FTCD: variants seen among roughly 807,000 people sequenced by gnomAD.
FTCD encodes the protein formimidoyltransferase cyclodeaminase.
In FTCD, 76 loss-of-function variants were observed where a neutral mutation model predicts 62.9. The observed-to-expected ratio is 1.21, with a 90% confidence interval of 1.00 to 1.46. FTCD has a LOEUF of 1.46. Ranked by LOEUF, FTCD falls within the 40% of genes most tolerant of loss-of-function variation. The pLI is 0.00. For missense variants in FTCD, 845 were observed against 751.3 expected (o/e 1.12, Z -1.46); for synonymous variants, 397 against 336.9 (o/e 1.18, Z -1.95).
rs140950558 is a variant in FTCD, at chr21:46,137,144, G to A, written c.1540-71C>T. ...CCCAGCTTGCTGGGCAGCAACCTCC[G>A]ACCCCCACTGCCCACAGCCAGTCGG... is the stretch of plus-strand genomic sequence containing the variant. On this transcript the variant is annotated intron_variant, in intron 13 of 13. Transcript: ENST00000397746. 13,402 of 1,598,504 alleles carry A rather than the reference G, an allele frequency of 8.4e-3. 71 individuals are homozygous for A. The highest frequency in any genetic ancestry group is 0.01 in the Non-Finnish European group (11,735 of 1,166,204).
At position 46,150,472 on chromosome 21, in the gene FTCD, G is replaced by A. The variant is rs1194364611; in HGVS notation, c.690C>T (p.Asn230=). The change falls in exon 6 of 14, where the codon AAC becomes AAT. Residue 230 remains asparagine, a synonymous_variant. Transcript: ENST00000397746. ...GAAGATTGGTGGACACCTGAGCCAGGTTCTTCTCATCCAGGTACCAGCCAA... is the reference window on the plus strand; with the variant it reads ...GAAGATTGGTGGACACCTGAGCCAGATTCTTCTCATCCAGGTACCAGCCAA... ...QGIGWYLDEK[N]LAQVSTNLLD... 4 of 1,613,000 alleles carry A rather than the reference G, an allele frequency of 2.5e-6. No individual in the cohort carries two copies. The highest frequency in any genetic ancestry group is 3.4e-6 in the Non-Finnish European group (4 of 1,179,754).
intron 1 of FTCD, 47 bp downstream of exon 1, chr21:46,155,423 A>G: frequency 6.6e-7 from 1 of 1,508,718 alleles, no homozygotes; most frequent in African/African-American, 1.4e-5. Context: ...TAGCCACTCA[A>G]GCTGCCCCAT....
chr21:46,151,817 G>A (rs1023628807), intron 4 of FTCD, 75 bp downstream of exon 4: 49 of 1,578,026 alleles, frequency 3.1e-5, no homozygotes, highest in African/African-American at 4.0e-5. Context: ...GGAGGGGCCC[G>A]GCCCAGCCAC....
downstream of FTCD, chr21:46,136,547 G>A: frequency 1.2e-6 from 2 of 1,601,806 alleles, no homozygotes; most frequent in African/African-American, 2.7e-5. Flanking sequence ...GGGCCTCACA[G>A]CCCAGGGACC....
At chr21:46,148,222 G>A (rs1318608115) in intron 7 of FTCD, among the ~76,000 whole-genome samples, 5 of 152,240 alleles carry the variant, frequency 3.3e-5, no homozygotes, top group Non-Finnish European at 7.3e-5. Context: ...GAGGAAGGGG[G>A]TCGCCTTGGC....
intron 7 of FTCD, among the ~76,000 whole-genome samples, chr21:46,148,081 G>A (rs1194552208): frequency 6.6e-6 from 1 of 152,152 alleles, no homozygotes; most frequent in Non-Finnish European, 1.5e-5. Flanking sequence ...TGCTGTCACT[G>A]GCTCCTAAAA....
In FTCD at chr21:46,154,296, G is replaced by A; in HGVS notation, c.91C>T (p.Pro31Ser). Residue 31 changes from proline (P) to serine (S), a missense_variant, in exon 2 of 14, where the codon CCG (proline) becomes TCG (serine). Coordinates refer to ENST00000397746, the MANE Select transcript of FTCD (RefSeq NM_206965.2). Reference protein sequence around the residue: ...DAISGAITQTPGCVLLDVDAG... With the variant: ...DAISGAITQTSGCVLLDVDAG... ...TCCACATCCAGCAGCACGCAGCCCG[G>A]GGTCTGTGTGATGGCTCCAGAGATG... 1 of 1,611,696 alleles carries A rather than the reference G, an allele frequency of 6.2e-7. No homozygotes were observed. The highest frequency in any genetic ancestry group is 8.5e-7 in the Non-Finnish European group (1 of 1,179,704).
In FTCD at chr21:46,155,396, C is replaced by T. The variant is rs894079181; in HGVS notation, c.54+74G>A. On this transcript the variant is annotated intron_variant, in intron 1 of 13. Transcript: ENST00000397746. ...CCCGGGACACCAAGCCCACCACCTC[C>T]TCCATGGCCTGGGCCTTAGCCACTC... The T allele has an allele frequency of 4.8e-6, 6 of 1,261,252 alleles. No individual in the cohort carries two copies. The Admixed American group carries it at 6.9e-5, about 15-fold the overall frequency. The allele number at this position is 1,261,252 out of a possible 1,614,324, so 78.1% of individuals were successfully genotyped here.
At chr21:46,139,728 T>G (rs145310150) in intron 10 of FTCD, among the ~76,000 whole-genome samples, 15 of 152,240 alleles carry the variant, frequency 9.9e-5, no homozygotes, top group African/African-American at 3.4e-4. Context: ...AAATGCCCAG[T>G]GTCTCCCTGA....
In FTCD at chr21:46,152,994, T is replaced by G. The variant is rs903792631; in HGVS notation, c.280A>C (p.Ile94Leu). Residue 94 changes from isoleucine (I) to leucine (L), a missense_variant, in exon 3 of 14, where the codon ATC (isoleucine) becomes CTC (leucine). Coordinates refer to ENST00000397746, the MANE Select transcript of FTCD (RefSeq NM_206965.2). ...TCCACGCTGACGCCCCTCACGGGGA[T>G]GAAGGGGCAGACGTCTAGGGCCCCC... is the stretch of plus-strand genomic sequence containing the variant. ...RMGALDVCPF[I>L]PVRGVSVDEC... 2 of 1,551,328 alleles carry G rather than the reference T, an allele frequency of 1.3e-6. No homozygotes were observed. The highest frequency in any genetic ancestry group is 2.0e-5 in the Admixed American group (1 of 51,114).
intron 10 of FTCD, among the ~76,000 whole-genome samples, chr21:46,139,263 G>A (rs934922883): frequency 6.6e-6 from 1 of 152,150 alleles, no homozygotes; most frequent in Non-Finnish European, 1.5e-5. Context: ...CTGGGCCTGT[G>A]TCTCCAACAC....
At chr21:46,138,279 C>G (rs767504423) in intron 12 of FTCD, among the ~76,000 whole-genome samples, 10 of 152,226 alleles carry the variant, frequency 6.6e-5, no homozygotes, top group African/African-American at 1.2e-4. Context: ...AGGGTGGGCT[C>G]TGCAGACACA....
chr21:46,140,864 CCG>C lies in FTCD; in HGVS notation c.1261-1943_1261-1942del, dbSNP rs1159750873. 1.5e-4 allele frequency among the ~76,000 whole-genome samples: 22 copies of C among 148,642 alleles called. 1 individual carries two copies. In the East Asian group the frequency reaches 3.0e-3, roughly 20 times the overall value. On this transcript the variant is annotated intron_variant, in intron 10 of 13. Transcript: ENST00000397746. ...GGAGCGTAAACCAATCCAGCACTCC[CCG>C]TCTGCCTTCACATTGCTCACAGGGA...
chr21:46,141,635 G>A (rs532194302), intron 10 of FTCD, among the ~76,000 whole-genome samples: 137 of 151,988 alleles, frequency 9.0e-4, no homozygotes, highest in African/African-American at 2.8e-3. Flanking sequence ...AAGAGTCATT[G>A]TCAGAAGCCC....
intron 11 of FTCD, 44 bp downstream of exon 11, chr21:46,138,836 C>G (rs1199926655): frequency 1.3e-6 from 2 of 1,567,386 alleles, no homozygotes; most frequent in Non-Finnish European, 1.8e-6. Context: ...CCACCAACTC[C>G]CCAGACACAG....
At chr21:46,136,567 C>G (rs1407042915), downstream of FTCD, 1 of 1,577,778 alleles carries the variant, frequency 6.3e-7, no homozygotes, top group Non-Finnish European at 8.6e-7. Flanking sequence ...CTGCACTGAA[C>G]CCCAGGTCCT....
Position 46,136,908 on chromosome 21 carries a change from TC to T in FTCD, c.*78del, listed in dbSNP as rs1206702523. ...CCGGGCCCCACACGAACAAGCTGTG[TC>T]CCCACCGAGGTCACAGCTCTGCCCT... On this transcript the variant is annotated 3_prime_UTR_variant, in exon 14 of 14. Coordinates refer to ENST00000397746, the MANE Select transcript of FTCD (RefSeq NM_206965.2). 6.2e-7 allele frequency: 1 copy of T among 1,602,916 alleles called. No individual in the cohort carries two copies. The highest frequency in any genetic ancestry group is 8.5e-7 in the Non-Finnish European group (1 of 1,175,568).
At chr21:46,139,463 G>A (rs1251032737) in intron 10 of FTCD, among the ~76,000 whole-genome samples, 1 of 152,164 alleles carries the variant, frequency 6.6e-6, no homozygotes, top group African/African-American at 2.4e-5. Context: ...GTGTGGAAGA[G>A]CACAGCTGGG....
intron 10 of FTCD, chr21:46,142,215 T>G (rs1208372260): frequency 1.3e-5 from 2 of 152,378 alleles, no homozygotes; most frequent in African/African-American, 4.8e-5. Context: ...CGGAGTTTCT[T>G]CCTTCTGGCG....
Sources: gnomAD v4.1 joint callset for allele counts (sites outside exome capture counted in the v4.1 genomes callset) on GRCh38, gnomAD v4.1.1 for gene constraint, MANE v1.5 for transcripts, NCBI Gene and HGNC (gene_info 2026-07-23, HGNC 2026-07-21) for gene names.